The following OXCT1 variants were observed in gnomAD, a reference collection of about 807,000 sequenced individuals.
OXCT1 encodes 3-oxoacid CoA-transferase 1.
In OXCT1, 27 loss-of-function variants were observed where a neutral mutation model predicts 69.6. The observed-to-expected ratio is 0.39, with a 90% CI of 0.29 to 0.54. OXCT1 has a LOEUF of 0.54. Ranked by LOEUF, OXCT1 falls within the 20% of genes least tolerant of loss-of-function variation. The probability of loss-of-function intolerance (pLI) is 0.72; values close to 1 mark genes in which losing one functional copy is unlikely to be tolerated. For missense variants in OXCT1, 437 were observed against 650.2 expected (o/e 0.67, Z 3.57); for synonymous variants, 202 against 217.8 (o/e 0.93, Z 0.64).
At chr5:41,853,286 A>C (rs781413227) in intron 4 of OXCT1, 133 bp downstream of exon 4, 5 of 733,472 alleles carry the variant, frequency 6.8e-6, no homozygotes, top group Non-Finnish European at 1.2e-5. Context: ...GGTGTGAGTT[A>C]GAAACAAAAT....
Position 41,730,810 on chromosome 5 carries a change from C to T in OXCT1, c.*919G>A, listed in dbSNP as rs532868603. 1 of 152,276 alleles carries T rather than the reference C, an allele frequency of 6.6e-6. No homozygotes were observed. Among genetic ancestry groups the T allele is most frequent in the South Asian group, 2.1e-4 (1 of 4,818 alleles). 9.4% of individuals were successfully genotyped at this position (152,276 alleles called of 1,614,324 possible). A position where few individuals can be genotyped will look rare whatever the true frequency, so the allele number is the denominator to read the frequency against. Reference sequence around the variant, plus strand: ...GAAGTAGCCTTGGCAGAAGAAAAACCGTTGTTCTGTAGAAGTGTCATTCAA... The same window carrying T: ...GAAGTAGCCTTGGCAGAAGAAAAACTGTTGTTCTGTAGAAGTGTCATTCAA... On this transcript the variant is annotated 3_prime_UTR_variant, in exon 17 of 17. Transcript: ENST00000196371.
chr5:41,784,881 G>C (rs1384946689), intron 13 of OXCT1, among the ~76,000 whole-genome samples: 2 of 152,136 alleles, frequency 1.3e-5, no homozygotes, highest in Non-Finnish European at 2.9e-5. Flanking sequence ...TTTCAAGTAA[G>C]AGAAATTTTC....
chr5:41,739,447 CTCAA>C lies in OXCT1; in HGVS notation c.1460_1463del (p.Ile487SerfsTer6), dbSNP rs1455429790. ...CATCCACTGTCAGGCCTTCCCAGAGCTCAATCAGAGTCAACCCTTTCTTCTTGTC... is the reference window on the plus strand; with the variant it reads ...CATCCACTGTCAGGCCTTCCCAGAGCTCAGAGTCAACCCTTTCTTCTTGTC... On this transcript the variant is annotated frameshift_variant, in exon 16 of 17. Coordinates refer to ENST00000196371, the MANE Select transcript of OXCT1 (RefSeq NM_000436.4). LOFTEE classifies it high-confidence loss of function. The C allele has an allele frequency of 1.9e-6, 3 of 1,613,958 alleles. No individual in the cohort carries two copies.
intron 5 of OXCT1, 115 bp from the exon 6 acceptor site, chr5:41,842,896 G>C (rs1057226035): frequency 2.5e-6 from 2 of 789,968 alleles, no homozygotes; most frequent in African/African-American, 3.4e-5. Context: ...AAATTTCTCA[G>C]AGGGAAAAGC....
rs776118037 is a variant in OXCT1, at chr5:41,861,285, A to G, written c.278+29T>C. 5.1e-6 allele frequency: 7 copies of G among 1,365,762 alleles called. No homozygotes were observed. In the Admixed American group the frequency reaches 1.0e-4, roughly 20 times the overall value. The allele number at this position is 1,365,762 out of a possible 1,614,324, so 84.6% of individuals were successfully genotyped here. A position where few individuals can be genotyped will look rare whatever the true frequency, so the allele number is the denominator to read the frequency against. On this transcript the variant is annotated intron_variant, in intron 3 of 16. Coordinates refer to ENST00000196371, the MANE Select transcript of OXCT1 (RefSeq NM_000436.4). Reference sequence around the variant, plus strand: ...ATATTAAGAATTGGCATTTCTCTCCAGCCAATTGTTTTTAAAATGCACACT... The same window carrying G: ...ATATTAAGAATTGGCATTTCTCTCCGGCCAATTGTTTTTAAAATGCACACT...
intron 8 of OXCT1, among the ~76,000 whole-genome samples, chr5:41,806,221 G>A (rs180744983): frequency 1.3e-5 from 2 of 152,108 alleles, no homozygotes; most frequent in Admixed American, 6.5e-5. Context: ...ACTCTGGCTC[G>A]TGTTTGCAAA....
At position 41,828,930 on chromosome 5, in the gene OXCT1, T is replaced by C. The variant is rs760173900; in HGVS notation, c.732+11521A>G. Among the ~76,000 whole-genome samples the C allele has an allele frequency of 4.6e-5, 7 of 152,338 alleles. No individual in the cohort carries two copies. The East Asian group carries it at 7.7e-4, about 17-fold the overall frequency. On this transcript the variant is annotated intron_variant, in intron 7 of 16. Transcript: ENST00000196371. ...ATGGTCTTTTCAAAATTTAAAAATA[T>C]TCTTAGCTCTCAGACTGTATAAAAA...
At chr5:41,781,375 A>G (rs1256976738) in intron 13 of OXCT1, among the ~76,000 whole-genome samples, 1 of 151,966 alleles carries the variant, frequency 6.6e-6, no homozygotes, top group Admixed American at 6.5e-5. Context: ...CATGGATCAC[A>G]TTTTACAAAT....
intron 7 of OXCT1, among the ~76,000 whole-genome samples, chr5:41,825,286 G>T (rs983625919): frequency 6.6e-6 from 1 of 152,140 alleles, no homozygotes; most frequent in African/African-American, 2.4e-5. Flanking sequence ...CAGAAACACT[G>T]TGTATTATCA....
intron 3 of OXCT1, among the ~76,000 whole-genome samples, chr5:41,854,603 A>T (rs1579888001): frequency 6.6e-6 from 1 of 151,456 alleles, no homozygotes; most frequent in Admixed American, 6.6e-5. Flanking sequence ...TAATGACAAA[A>T]TTTTTTTTTA....
At chr5:41,862,405 C>T (rs577682935) in intron 2 of OXCT1, among the ~76,000 whole-genome samples, 3 of 152,014 alleles carry the variant, frequency 2.0e-5, no homozygotes, top group Non-Finnish European at 4.4e-5. Flanking sequence ...CAGAAACACA[C>T]AAATACACAT....
chr5:41,825,226 T>C lies in OXCT1; in HGVS notation c.732+15225A>G, dbSNP rs563137893. Among the ~76,000 whole-genome samples, 6 of 152,314 alleles carry C rather than the reference T, an allele frequency of 3.9e-5. No homozygotes were observed. The East Asian group carries it at 9.6e-4, about 24-fold the overall frequency. On this transcript the variant is annotated intron_variant, in intron 7 of 16. Transcript: ENST00000196371. ...ATAAGAGAGAAGGTGACCTATACTT[T>C]TGGACATGAGTGGTTGAAGAATCTG...
intron 7 of OXCT1, among the ~76,000 whole-genome samples, chr5:41,810,197 T>C (rs1746899675): frequency 6.6e-6 from 1 of 151,900 alleles, no homozygotes; most frequent in Non-Finnish European, 1.5e-5. Context: ...AATGGGAGGA[T>C]TAAAAAGTCT....
At chr5:41,794,192 C>T (rs1205536461) in intron 12 of OXCT1, 114 bp from the exon 13 acceptor site, 2 of 771,818 alleles carry the variant, frequency 2.6e-6, no homozygotes, top group Non-Finnish European at 2.4e-6. Context: ...GCTTCCCCCA[C>T]CACACAACTG....
At chr5:41,791,827 A>C (rs980327607) in intron 13 of OXCT1, among the ~76,000 whole-genome samples, 4 of 151,890 alleles carry the variant, frequency 2.6e-5, no homozygotes, top group African/African-American at 9.7e-5. Context: ...TATGAGACGG[A>C]GTCTCGCTCT....
At chr5:41,764,884 A>G (rs1404720230) in intron 13 of OXCT1, among the ~76,000 whole-genome samples, 1 of 152,174 alleles carries the variant, frequency 6.6e-6, no homozygotes, top group African/African-American at 2.4e-5. Context: ...ACTGTGAAAG[A>G]TAAGAGCAGT....
intron 1 of OXCT1, among the ~76,000 whole-genome samples, chr5:41,864,587 C>G (rs1749878936): frequency 6.6e-6 from 1 of 152,176 alleles, no homozygotes; most frequent in Non-Finnish European, 1.5e-5. Context: ...AGGATATCTC[C>G]TAGACACACT....
chr5:41,806,681 CT>C (rs1436787030), intron 8 of OXCT1, among the ~76,000 whole-genome samples: 1 of 152,078 alleles, frequency 6.6e-6, no homozygotes, highest in African/African-American at 2.4e-5. Flanking sequence ...TAAAAGCTTC[CT>C]GAGGTCCTGA....
chr5:41,815,012 T>C (rs1278819506), intron 7 of OXCT1, among the ~76,000 whole-genome samples: 1 of 152,130 alleles, frequency 6.6e-6, no homozygotes, highest in African/African-American at 2.4e-5. Flanking sequence ...CAATGTCTCA[T>C]TGTAAAACGC....
Sources: gnomAD v4.1 joint callset for allele counts (sites outside exome capture counted in the v4.1 genomes callset) on GRCh38, gnomAD v4.1.1 for gene constraint, MANE v1.5 for transcripts, NCBI Gene and HGNC (gene_info 2026-07-23, HGNC 2026-07-21) for gene names.